The following SLIT3 variants were observed in gnomAD, a reference collection of about 807,000 sequenced individuals.
SLIT3 encodes slit homolog 3 protein.
In SLIT3, 68 loss-of-function variants were observed where a neutral mutation model predicts 184.0. That is an observed-to-expected ratio of 0.37 (90% CI 0.30 to 0.45). SLIT3 has a LOEUF of 0.45. Among genes scored for constraint, SLIT3 ranks in the 20% least tolerant of loss-of-function variants. The probability of loss-of-function intolerance (pLI) is 1.00; values close to 1 mark genes in which losing one functional copy is unlikely to be tolerated. For missense variants in SLIT3, 1,707 were observed against 2,026.0 expected, an observed-to-expected ratio of 0.84 and a Z score of 3.02; for synonymous variants, 831 against 828.6, an observed-to-expected ratio of 1.00 and a Z score of -0.05.
rs1761037259 is a variant in SLIT3 at position 168,666,237 on chromosome 5, G to A, written c.*217C>T. The A allele has an allele frequency of 2.2e-6, 1 of 450,356 alleles. No individual in the cohort carries two copies. The highest frequency in any genetic ancestry group is 5.7e-4 in the Middle Eastern group (1 of 1,762). 27.9% of individuals were successfully genotyped at this position (450,356 alleles called of 1,614,324 possible). A position where few individuals can be genotyped will look rare whatever the true frequency, so the allele number is the denominator to read the frequency against. On this transcript the variant is annotated 3_prime_UTR_variant, in exon 36 of 36. Transcript: ENST00000519560. The stretch of plus-strand genomic sequence containing the variant: ...TATATGGTACATATACGCAGATGGT[G>A]TAATATATTTATATAATAAAAGATG...
intron 4 of SLIT3, among the ~76,000 whole-genome samples, chr5:168,977,103 A>C (rs2113343844): frequency 6.6e-6 from 1 of 152,314 alleles, no homozygotes; most frequent in South Asian, 2.1e-4. Flanking sequence ...GACGATTAGA[A>C]CCTGGGAGAT....
At chr5:168,729,002 T>A (rs747359990) in intron 20 of SLIT3, among the ~76,000 whole-genome samples, 3 of 150,520 alleles carry the variant, frequency 2.0e-5, no homozygotes, top group Non-Finnish European at 1.5e-5. Context: ...CAAAATACAT[T>A]AGAAAATTTC....
At chr5:168,928,502 G>C (rs1761897886) in intron 4 of SLIT3, among the ~76,000 whole-genome samples, 1 of 152,118 alleles carries the variant, frequency 6.6e-6, no homozygotes, top group African/African-American at 2.4e-5. Flanking sequence ...CCCAGGTCAG[G>C]CAACAAAGGC....
intron 14 of SLIT3, chr5:168,772,570 T>TTGTGTGTG (rs538634517): frequency 6.0e-6 from 3 of 497,208 alleles, no homozygotes; most frequent in African/African-American, 2.1e-5. Context: ...CATGCTTTTA[T>TTGTGTGTG]TGTGTGTGTG....
intron 1 of SLIT3, among the ~76,000 whole-genome samples, chr5:169,294,188 A>G (rs4432908): frequency 0.84 from 126,473 of 150,822 alleles, 53,419 homozygotes; most frequent in African/African-American, 0.92. Flanking sequence ...TCAAGTAAAC[A>G]CAGTAATAGA....
intron 5 of SLIT3, among the ~76,000 whole-genome samples, chr5:168,876,537 C>A (rs761062950): frequency 8.5e-5 from 13 of 152,186 alleles, no homozygotes; most frequent in Non-Finnish European, 1.9e-4. Context: ...ACACCTCTGT[C>A]CCTTTACATA....
chr5:168,947,841 C>G (rs1762531096), intron 4 of SLIT3, among the ~76,000 whole-genome samples: 1 of 152,076 alleles, frequency 6.6e-6, no homozygotes. Flanking sequence ...GGCTGGAGTG[C>G]AGTGGTACAA....
At chr5:169,168,630 C>T (rs902875787) in intron 4 of SLIT3, among the ~76,000 whole-genome samples, 4 of 152,110 alleles carry the variant, frequency 2.6e-5, no homozygotes, top group Admixed American at 2.0e-4. Flanking sequence ...CAAACCAAAC[C>T]GAATCTCTGG....
chr5:169,294,329 A>G (rs754242353), intron 1 of SLIT3, among the ~76,000 whole-genome samples: 17 of 152,094 alleles, frequency 1.1e-4, no homozygotes, highest in Non-Finnish European at 2.2e-4. Flanking sequence ...AATAAATAAA[A>G]TGCATTCCTT....
At chr5:168,971,358 G>A (rs1001435536) in intron 4 of SLIT3, among the ~76,000 whole-genome samples, 1 of 152,214 alleles carries the variant, frequency 6.6e-6, no homozygotes, top group Non-Finnish European at 1.5e-5. Flanking sequence ...AACATGGCCA[G>A]GTGGTGGGAG....
chr5:169,151,168 C>A (rs980561415), intron 4 of SLIT3, among the ~76,000 whole-genome samples: 4 of 152,180 alleles, frequency 2.6e-5, no homozygotes, highest in Non-Finnish European at 4.4e-5. Flanking sequence ...TGACCACCCC[C>A]TGCTTCCCAC....
rs1581441940 is a variant in SLIT3, at chr5:169,132,800, C to T, written c.413+60679G>A. Reference sequence around the variant, plus strand: ...TCCTGTCTAGCTCTGGGAAGATTCCCGTGATCTGTAATCCCTCTGGACATT... The same window carrying T: ...TCCTGTCTAGCTCTGGGAAGATTCCTGTGATCTGTAATCCCTCTGGACATT... On this transcript the variant is annotated intron_variant, in intron 4 of 35. Transcript: ENST00000519560. Among the ~76,000 whole-genome samples the T allele has an allele frequency of 4.4e-5, 5 of 113,604 alleles. No individual in the cohort carries two copies. The South Asian group carries it at 1.5e-3, about 35-fold the overall frequency. The allele number at this position is 113,604 out of a possible 152,430, so 74.5% of individuals were successfully genotyped here.
chr5:169,119,785 G>C (rs528085902), intron 4 of SLIT3: 1 of 152,276 alleles, frequency 6.6e-6, no homozygotes, highest in Admixed American at 6.5e-5. Context: ...CACCTGAGTT[G>C]CTAATTAAGT....
intron 33 of SLIT3, among the ~76,000 whole-genome samples, chr5:168,672,733 C>A (rs1761291786): frequency 6.6e-6 from 1 of 152,190 alleles, no homozygotes; most frequent in Non-Finnish European, 1.5e-5. Flanking sequence ...CTCAGCCTCC[C>A]AAAGTGTTGG....
At chr5:169,251,789 C>T (rs1410083783) in intron 1 of SLIT3, among the ~76,000 whole-genome samples, 7 of 152,196 alleles carry the variant, frequency 4.6e-5, no homozygotes, top group Non-Finnish European at 8.8e-5. Context: ...CAGCTCTAGG[C>T]ACTGGCATCT....
intron 8 of SLIT3, among the ~76,000 whole-genome samples, chr5:168,816,032 C>G (rs1757324782): frequency 6.6e-6 from 1 of 152,160 alleles, no homozygotes; most frequent in South Asian, 2.1e-4. Flanking sequence ...AATTTCTCAA[C>G]TGAATGCTTT....
At chr5:168,858,869 C>A (rs1759000425) in intron 5 of SLIT3, among the ~76,000 whole-genome samples, 1 of 152,224 alleles carries the variant, frequency 6.6e-6, no homozygotes, top group Non-Finnish European at 1.5e-5. Context: ...GCTTTGGTTC[C>A]TAAGGCCCCT....
chr5:168,720,100 G>C (rs902040554), intron 23 of SLIT3: 3 of 152,062 alleles, frequency 2.0e-5, no homozygotes, highest in African/African-American at 7.2e-5. Flanking sequence ...TTTTTTGGTA[G>C]AGACAGGGTT....
intron 23 of SLIT3, among the ~76,000 whole-genome samples, chr5:168,717,851 G>A (rs1285177345): frequency 3.9e-5 from 6 of 151,998 alleles, no homozygotes; most frequent in East Asian, 1.9e-4. Flanking sequence ...TAGTGGAGAC[G>A]AGGTTTCACC....
Sources: allele counts gnomAD v4.1 joint callset (sites outside exome capture counted in the v4.1 genomes callset), GRCh38; gene constraint gnomAD v4.1.1; transcripts MANE v1.5; gene names NCBI Gene and HGNC (gene_info 2026-07-23, HGNC 2026-07-21).